Variants in CFAP99 observed in about 807,000 individuals in gnomAD.
CFAP99 encodes cilia- and flagella-associated protein 99.
CFAP99 carries 84 observed loss-of-function variants against 82.7 expected under a neutral mutation model. The ratio of observed to expected loss-of-function variants is 1.02; its 90% CI spans 0.85 to 1.22. The LOEUF is 1.22. CFAP99 is among the 50% of genes most tolerant of loss of function. CFAP99 has a pLI of 0.00. For missense variants in CFAP99, 1,059 were observed against 983.5 expected (o/e 1.08, Z -1.03); for synonymous variants, 456 against 429.5 (o/e 1.06, Z -0.76).
chr4:2,461,810 G>C (rs559976578), intron 14 of CFAP99, among the ~76,000 whole-genome samples: 1 of 152,050 alleles, frequency 6.6e-6, no homozygotes, highest in Non-Finnish European at 1.5e-5. Context: ...CATACAATCA[G>C]AAGGATCAAG....
In CFAP99 at chr4:2,447,215, T is replaced by C. The variant is rs528275069; in HGVS notation, c.642+1907T>C. On this transcript the variant is annotated intron_variant, in intron 6 of 14. Coordinates refer to ENST00000635017, the Ensembl canonical transcript of CFAP99. ...GTGAATGAATGAATGAGTTGGTAGATAGATGGAGGCATGGAAGGATAAGTG... is the reference window on the plus strand; with the variant it reads ...GTGAATGAATGAATGAGTTGGTAGACAGATGGAGGCATGGAAGGATAAGTG... Among the ~76,000 whole-genome samples, 344 of 150,886 alleles carry C rather than the reference T, an allele frequency of 2.3e-3. 1 individual carries two copies. Among genetic ancestry groups the C allele is most frequent in the African/African-American group, 7.2e-3 (294 of 41,018 alleles).
chr4:2,437,148 T>C, intron 3 of CFAP99, 130 bp downstream of exon 3: 1 of 1,117,918 alleles, frequency 8.9e-7, no homozygotes, highest in African/African-American at 1.6e-5. Context: ...CACTGGAGGC[T>C]TCCCGGCTCC....
At chr4:2,438,025 G>GA in intron 3 of CFAP99, 45 bp from the exon 4 acceptor site, 1 of 1,153,388 alleles carries the variant, frequency 8.7e-7, no homozygotes, top group Non-Finnish European at 1.2e-6. Flanking sequence ...TGTGCCTGGT[G>GA]CCCCGTGACG....
chr4:2,424,388 G>A (rs1429778547), intron 1 of CFAP99, among the ~76,000 whole-genome samples: 1 of 152,238 alleles, frequency 6.6e-6, no homozygotes, highest in Non-Finnish European at 1.5e-5. Flanking sequence ...GGGAGATGGA[G>A]GTTGCAGTGA....
At chr4:2,437,075 C>T (rs1357120978) in intron 3 of CFAP99, 57 bp downstream of exon 3, 2 of 1,527,742 alleles carry the variant, frequency 1.3e-6, no homozygotes, top group African/African-American at 2.7e-5. Context: ...CTCAGGCTCT[C>T]TGCGGAAAGG....
chr4:2,461,181 C>G (rs1436808850), intron 14 of CFAP99, among the ~76,000 whole-genome samples: 1 of 152,184 alleles, frequency 6.6e-6, no homozygotes, highest in African/African-American at 2.4e-5. Flanking sequence ...TTTTTAGCCC[C>G]TTGTGGCTGG....
chr4:2,419,221 A>G (rs1733471253), intron 1 of CFAP99, 128 bp downstream of exon 1: 1 of 150,712 alleles, frequency 6.6e-6, no homozygotes, highest in Non-Finnish European at 1.5e-5. Flanking sequence ...CAGCTCCCCG[A>G]TGAAAGTGAA....
In CFAP99 at chr4:2,462,191, A is replaced by C. The variant is rs1368402926; in HGVS notation, c.1662-252A>C. ...AACAAACAACAACAACAAAAATTAA[A>C]GAAAAGAAAAAAAGAGCAAAAGGGT... On this transcript the variant is annotated intron_variant, in intron 14 of 14. Coordinates refer to ENST00000635017, the Ensembl canonical transcript of CFAP99. The surrounding 1 kb of genome is among the most constrained non-coding windows in gnomAD (Gnocchi z 4.1). The C allele has an allele frequency of 8.1e-6, 3 of 371,248 alleles. No homozygotes were observed. The highest frequency in any genetic ancestry group is 1.4e-5 in the Non-Finnish European group (3 of 209,312). The allele number at this position is 371,248 out of a possible 1,614,324, so 23.0% of individuals were successfully genotyped here.
At chr4:2,421,158 G>A (rs981339575) in intron 1 of CFAP99, among the ~76,000 whole-genome samples, 5 of 152,218 alleles carry the variant, frequency 3.3e-5, no homozygotes, top group African/African-American at 1.2e-4. Flanking sequence ...ACCCTTAGGA[G>A]ACTGGCTTTA....
At chr4:2,426,427 T>G (rs895648313) in intron 1 of CFAP99, 32 bp from the exon 2 acceptor site, 2 of 1,362,760 alleles carry the variant, frequency 1.5e-6, no homozygotes, top group African/African-American at 2.9e-5. Flanking sequence ...ATCCCAGGTG[T>G]GGAGGGCGTG....
intron 1 of CFAP99, among the ~76,000 whole-genome samples, chr4:2,423,728 C>G (rs189123503): frequency 2.5e-4 from 38 of 152,378 alleles, no homozygotes; most frequent in Admixed American, 8.5e-4. Flanking sequence ...GCTGCAGCAT[C>G]TAGATTTCAG....
intron 5 of CFAP99, among the ~76,000 whole-genome samples, chr4:2,444,925 G>A (rs184199122): frequency 1.4e-3 from 214 of 152,262 alleles, no homozygotes; most frequent in Admixed American, 2.9e-3. Context: ...AGGGGACTGC[G>A]TCTGTATATG....
At chr4:2,456,844 C>G (rs1403935583) in intron 11 of CFAP99, among the ~76,000 whole-genome samples, 1 of 151,988 alleles carries the variant, frequency 6.6e-6, no homozygotes, top group Non-Finnish European at 1.5e-5. Flanking sequence ...AATCTGTTAT[C>G]ACTGTGAAAT....
intron 14 of CFAP99, among the ~76,000 whole-genome samples, chr4:2,461,325 G>A (rs1251972224): frequency 3.9e-5 from 6 of 152,188 alleles, no homozygotes; most frequent in Non-Finnish European, 5.9e-5. Flanking sequence ...TGGCATACAG[G>A]GCTCCGGAGA....
intron 3 of CFAP99, 27 bp from the exon 4 acceptor site, chr4:2,438,042 AG>A (rs1318477651): frequency 7.1e-7 from 1 of 1,405,028 alleles, no homozygotes; most frequent in Non-Finnish European, 9.7e-7. Flanking sequence ...GACGTCCCTT[AG>A]CCTCTGACAG....
Position 2,458,821 on chromosome 4 carries a change from C to T in CFAP99, c.1260C>T (p.Ala420=), listed in dbSNP as rs1352382127. Residue 420 remains alanine (A), a synonymous_variant, in exon 12 of 15, where the codon GCC becomes GCT. Transcript: ENST00000635017. ...AGGTGATAGAGGGGCAGAAGAACGC[C>T]AAGGCGGCCCAGACGAAGCTCGCGA... The T allele has an allele frequency of 5.2e-6, 8 of 1,535,872 alleles. No homozygotes were observed. In the South Asian group the frequency reaches 7.1e-5, roughly 14 times the overall value.
intron 5 of CFAP99, 33 bp downstream of exon 5, chr4:2,443,275 A>C: frequency 2.2e-6 from 3 of 1,384,276 alleles, no homozygotes; most frequent in Non-Finnish European, 9.9e-7. Flanking sequence ...GGGGCCCTGA[A>C]TGGCATCTGC....
chr4:2,440,807 G>C (rs976928341), intron 4 of CFAP99, among the ~76,000 whole-genome samples: 1 of 151,714 alleles, frequency 6.6e-6, no homozygotes, highest in African/African-American at 2.4e-5. Context: ...TGTTAGCCAG[G>C]ATGGTCTCGA....
At chr4:2,457,799 G>A (rs1008355549) in intron 11 of CFAP99, among the ~76,000 whole-genome samples, 4 of 152,228 alleles carry the variant, frequency 2.6e-5, no homozygotes, top group East Asian at 1.9e-4. Flanking sequence ...GGCTGGTGCT[G>A]TGGCTGATGG....
Sources: allele counts gnomAD v4.1 joint callset (sites outside exome capture counted in the v4.1 genomes callset), GRCh38; gene constraint gnomAD v4.1.1; non-coding constraint Gnocchi (gnomAD v3.1); transcripts MANE v1.5; gene names NCBI Gene and HGNC (gene_info 2026-07-23, HGNC 2026-07-21).